TM6SF2: variants seen among roughly 807,000 people sequenced by gnomAD.
TM6SF2 encodes the protein transmembrane 6 superfamily member 2.
In TM6SF2, 29 loss-of-function variants were observed where a neutral mutation model predicts 41.0. That is an observed-to-expected ratio of 0.71 (90% CI 0.53 to 0.96). TM6SF2 has a LOEUF of 0.96. TM6SF2 is among the 50% of genes least tolerant of loss of function. The pLI is 0.00. For synonymous variants in TM6SF2, 200 were observed against 209.1 expected, an observed-to-expected ratio of 0.96 and a Z score of 0.37; for missense variants, 475 against 499.0, an observed-to-expected ratio of 0.95 and a Z score of 0.46.
In TM6SF2 at chr19:19,269,578, G is replaced by A; in HGVS notation, c.484+109C>T. 10 of 1,302,718 alleles carry A rather than the reference G, an allele frequency of 7.7e-6. No individual in the cohort carries two copies. In the South Asian group the frequency reaches 1.3e-4, roughly 17 times the overall value. The allele number at this position is 1,302,718 out of a possible 1,614,324, so 80.7% of individuals were successfully genotyped here. On this transcript the variant is annotated intron_variant, in intron 5 of 9. Transcript: ENST00000389363. ...GTGGACACGCAAAGAGGGAGGTGGG[G>A]CCTCTGCAGACATCAGGGAAGGGAT...
At position 19,268,198 on chromosome 19, in the gene TM6SF2, T is replaced by C. The variant is rs930967952; in HGVS notation, c.610-111A>G. On this transcript the variant is annotated intron_variant, in intron 6 of 9. Transcript: ENST00000389363. ...CTCCCTTCTTTCTTTTTTTCTTTTT[T>C]TTCTTTTTTCTTTTTTTTTTTTTTT... 1.6e-5 allele frequency: 12 copies of C among 733,626 alleles called. No homozygotes were observed. In the African/African-American group the frequency reaches 2.0e-4, roughly 12 times the overall value. 45.4% of individuals were successfully genotyped at this position (733,626 alleles called of 1,614,324 possible).
At position 19,273,061 on chromosome 19, in the gene TM6SF2, T is replaced by TTGCCCCCCCCC; in HGVS notation, c.95+59_95+60insGGGGGGGGGCA. The stretch of plus-strand genomic sequence containing the variant: ...CCTCCCTCCAGCCCACCTCCAGTCC[T>TTGCCCCCCCCC]CCCCGCCCCCGCCCGCCCCCACTGT... On this transcript the variant is annotated intron_variant, in intron 1 of 9. Coordinates refer to ENST00000389363, the MANE Select transcript of TM6SF2 (RefSeq NM_001001524.3). The TTGCCCCCCCCC allele has an allele frequency of 3.3e-5, 10 of 305,462 alleles. 1 individual carries two copies. Among genetic ancestry groups the TTGCCCCCCCCC allele is most frequent in the East Asian group, 8.6e-5 (1 of 11,590 alleles). 18.9% of individuals were successfully genotyped at this position (305,462 alleles called of 1,614,324 possible). A position where few individuals can be genotyped will look rare whatever the true frequency, so the allele number is the denominator to read the frequency against.
intron 2 of TM6SF2, 146 bp from the exon 3 acceptor site, chr19:19,270,588 C>T (rs2061020234): frequency 1.0e-6 from 1 of 975,430 alleles, no homozygotes; most frequent in Non-Finnish European, 1.5e-6. Context: ...GCCCCAACCC[C>T]AAAGGTTGCA....
chr19:19,267,868 G>C, intron 7 of TM6SF2, 118 bp downstream of exon 7: 1 of 1,085,464 alleles, frequency 9.2e-7, no homozygotes, highest in Non-Finnish European at 1.4e-6. Flanking sequence ...GAACACTCAG[G>C]TTAGACTTGA....
Position 19,268,720 on chromosome 19 carries a change from G to C in TM6SF2, c.519C>G (p.Phe173Leu). 2 of 1,604,930 alleles carry C rather than the reference G, an allele frequency of 1.2e-6. No homozygotes were observed. The highest frequency in any genetic ancestry group is 1.7e-5 in the Admixed American group (1 of 57,738). Residue 173 changes from phenylalanine (F) to leucine (L), a missense_variant, in exon 6 of 10, where the codon TTC (phenylalanine) becomes TTG (leucine). Around this residue, in one of 3 missense-constraint regions of TM6SF2, gnomAD observed 47 missense variants for 80.3 expected, o/e 0.59. Coordinates refer to ENST00000389363, the MANE Select transcript of TM6SF2 (RefSeq NM_001001524.3). ...GCACCAGCAGGTAGGGGATGGTGAGGAAGAAGGCAGGCCTGATCTCGGAGC... is the reference window on the plus strand; with the variant it reads ...GCACCAGCAGGTAGGGGATGGTGAGCAAGAAGGCAGGCCTGATCTCGGAGC... ...KYSSEIRPAFFLTIPYLLVPC... is the reference protein window; with the variant it reads ...KYSSEIRPAFLLTIPYLLVPC...
chr19:19,273,058 T>TACATGC, intron 1 of TM6SF2, 63 bp downstream of exon 1: 1 of 470,240 alleles, frequency 2.1e-6, no homozygotes, highest in South Asian at 2.5e-5. Flanking sequence ...CCACCTCCAG[T>TACATGC]CCTCCCCGCC....
Position 19,267,665 on chromosome 19 carries a change from A to G in TM6SF2, c.760T>C (p.Tyr254His), listed in dbSNP as rs770485209. Residue 254 changes from tyrosine to histidine, a missense_variant, in exon 8 of 10, where the codon TAT becomes CAT. Coordinates refer to ENST00000389363, the MANE Select transcript of TM6SF2 (RefSeq NM_001001524.3). ...ACAGGGTCCCGCAGGTATGGCTCAT[A>G]CTGGTAGATATAGACAAAGCAGGCA... ...TDACFVYIYQ[Y>H]EPYLRDPVAY... 34 of 1,613,632 alleles carry G rather than the reference A, an allele frequency of 2.1e-5. No individual in the cohort carries two copies. The highest frequency in any genetic ancestry group is 2.7e-5 in the Non-Finnish European group (32 of 1,179,914).
rs770149338 is a variant in TM6SF2 at position 19,270,334 on chromosome 19, C to T, written c.297+11G>A. ...GTGCGGTAGGGGGCTCCCTGGTCGT[C>T]CCCCAAGTACCTCCTTGGTGTAGAA... On this transcript the variant is annotated intron_variant, in intron 3 of 9. Transcript: ENST00000389363. The T allele has an allele frequency of 6.2e-7, 1 of 1,613,868 alleles. No homozygotes were observed. Among genetic ancestry groups the T allele is most frequent in the Admixed American group, 1.7e-5 (1 of 59,998 alleles).
intron 9 of TM6SF2, among the ~76,000 whole-genome samples, chr19:19,265,371 T>C (rs554613897): frequency 8.0e-6 from 1 of 125,094 alleles, no homozygotes; most frequent in Non-Finnish European, 1.6e-5. Flanking sequence ...TCTATCTATC[T>C]ATCTATCTAT....
At position 19,268,030 on chromosome 19, in the gene TM6SF2, T is replaced by C; in HGVS notation, c.667A>G (p.Ile223Val). 1 of 1,613,968 alleles carries C rather than the reference T, an allele frequency of 6.2e-7. No individual in the cohort carries two copies. Among genetic ancestry groups the C allele is most frequent in the East Asian group, 2.2e-5 (1 of 44,860 alleles). Residue 223 changes from isoleucine (I) to valine (V), a missense_variant, in exon 7 of 10, where the codon ATA (isoleucine) becomes GTA (valine). Around this residue, in one of 3 missense-constraint regions of TM6SF2, gnomAD observed 47 missense variants for 80.3 expected, o/e 0.59. Transcript: ENST00000389363. ...LQRPADLALV[I>V]YLILAGFFTL... ...AAGAAGCCAGCAAGGATGAGATATA[T>C]GACAAGGGCCAGGTCAGCCGGACGC...
At chr19:19,272,195 T>A (rs924634410) in intron 1 of TM6SF2, among the ~76,000 whole-genome samples, 2 of 152,158 alleles carry the variant, frequency 1.3e-5, no homozygotes, top group Non-Finnish European at 2.9e-5. Flanking sequence ...CACTCAAGAC[T>A]CTGTCCATCA....
At chr19:19,268,279 C>T (rs1599837249) in intron 6 of TM6SF2, among the ~76,000 whole-genome samples, 192 bp from the exon 7 acceptor site, 1 of 149,264 alleles carries the variant, frequency 6.7e-6, no homozygotes, top group East Asian at 2.0e-4. Context: ...AGTCTCAGCT[C>T]ACTGCAGCCT....
chr19:19,270,533 T>A, intron 2 of TM6SF2, 91 bp from the exon 3 acceptor site: 2 of 1,462,576 alleles, frequency 1.4e-6, no homozygotes, highest in Non-Finnish European at 1.8e-6. Context: ...GAAGTTAAGG[T>A]CAGGGATGAG....
At chr19:19,267,904 C>T (rs1466059866) in intron 7 of TM6SF2, 82 bp downstream of exon 7, 5 of 1,195,146 alleles carry the variant, frequency 4.2e-6, no homozygotes, top group Non-Finnish European at 6.1e-6. Flanking sequence ...GATGATCAAA[C>T]AGGAAGGGCA....
Position 19,266,494 on chromosome 19 carries a change from C to T in TM6SF2, c.920G>A (p.Gly307Asp), listed in dbSNP as rs150912512. 201 of 1,613,846 alleles carry T rather than the reference C, an allele frequency of 1.2e-4. No individual in the cohort carries two copies. Among genetic ancestry groups the T allele is most frequent in the Admixed American group, 4.0e-4 (24 of 59,996 alleles). Residue 307 changes from glycine to aspartate, a missense_variant, in exon 9 of 10, where the codon GGC becomes GAC. Around this residue, in one of 3 missense-constraint regions of TM6SF2, gnomAD observed 190 missense variants for 190.2 expected, o/e 1.00. Coordinates refer to ENST00000389363, the MANE Select transcript of TM6SF2 (RefSeq NM_001001524.3). ...CCCACCCATCCGCCACCTCACCTGGCCGATGCCTCCAGCAAACACCAAGGC... is the reference window on the plus strand; with the variant it reads ...CCCACCCATCCGCCACCTCACCTGGTCGATGCCTCCAGCAAACACCAAGGC... The part of the protein sequence containing the change: ...DWALVFAGGI[G>D]QAQFSHMGAS...
rs766962077 is a variant in TM6SF2, at chr19:19,266,569, A to G, written c.845T>C (p.Leu282Pro). The change falls in exon 9 of 10, where the codon CTG becomes CCG. Residue 282 changes from leucine to proline, a missense_variant. Physicochemically the swap from Leu to Pro is moderately conservative, Grantham distance 98. This residue lies in a region of TM6SF2 where 190 missense variants were observed against 190.2 expected (regional missense o/e 1.00). Transcript: ENST00000389363. ...AGGGAAGGTGAGAGCATAGGCAGCC[A>G]GGCCGCAGAAAGGCAGGACATAAAA... ...YMFYVLPFCG[L>P]AAYALTFPGC... The G allele has an allele frequency of 6.2e-7, 1 of 1,613,952 alleles. No homozygotes were observed. Among genetic ancestry groups the G allele is most frequent in the Non-Finnish European group, 8.5e-7 (1 of 1,179,880 alleles).
intron 4 of TM6SF2, 140 bp downstream of exon 4, chr19:19,270,033 G>A (rs768109212): frequency 9.2e-6 from 14 of 1,523,544 alleles, no homozygotes; most frequent in Non-Finnish European, 4.4e-6. Flanking sequence ...ACCTTCTCCT[G>A]GCCACCCCTG....
chr19:19,267,261 G>A (rs993584607), intron 8 of TM6SF2, among the ~76,000 whole-genome samples: 5 of 151,870 alleles, frequency 3.3e-5, no homozygotes, highest in African/African-American at 1.2e-4. Flanking sequence ...CCAGCTACTT[G>A]GGAGGCTGAG....
Position 19,264,701 on chromosome 19 carries a change from G to A in TM6SF2, c.1097C>T (p.Pro366Leu). ...CTTGTGGAGGGCTAGGGGGTCGGAGGGTGGTGGCTGGTGGAAGAATGCGGG... is the reference window on the plus strand; with the variant it reads ...CTTGTGGAGGGCTAGGGGGTCGGAGAGTGGTGGCTGGTGGAAGAATGCGGG... ...QWPAFFHQPP[P>L]SDPLALHKKQ... is the part of the protein sequence containing the mutation. The change falls in exon 10 of 10, where the codon CCC (proline) becomes CTC (leucine). Residue 366 changes from proline (P) to leucine (L), a missense_variant. Transcript: ENST00000389363. 2 of 1,580,756 alleles carry A rather than the reference G, an allele frequency of 1.3e-6. No homozygotes were observed. Among genetic ancestry groups the A allele is most frequent in the Non-Finnish European group, 1.7e-6 (2 of 1,162,270 alleles).
Sources: gnomAD v4.1 joint callset for allele counts (sites outside exome capture counted in the v4.1 genomes callset) on GRCh38, gnomAD v4.1.1 for gene constraint, gnomAD v4.1.1 regional missense constraint, MANE v1.5 for transcripts, NCBI Gene and HGNC (gene_info 2026-07-23, HGNC 2026-07-21) for gene names.